CPS1: variants seen among roughly 807,000 people sequenced by gnomAD.
CPS1 encodes the protein carbamoyl-phosphate synthase 1, also known as carbamoyl-phosphate synthase [ammonia], mitochondrial.
A neutral mutation model predicts 174.6 loss-of-function variants in CPS1; 109 were observed. The ratio of observed to expected loss-of-function variants is 0.62; its 90% CI spans 0.53 to 0.73. The LOEUF is 0.73. Ranked by LOEUF, CPS1 falls within the 30% of genes least tolerant of loss-of-function variation. The probability of loss-of-function intolerance (pLI) is 0.00; values close to 1 mark genes in which losing one functional copy is unlikely to be tolerated. For synonymous variants in CPS1, 637 were observed against 632.0 expected (o/e 1.01, Z -0.12); for missense variants, 1,689 against 1,821.9 (o/e 0.93, Z 1.33).
At chr2:210,527,101 CT>C (rs1311857835) in intron 1 of CPS1, among the ~76,000 whole-genome samples, 14 of 151,674 alleles carry the variant, frequency 9.2e-5, no homozygotes, top group African/African-American at 3.1e-4. Context: ...ATTCAATAGC[CT>C]TTTTTTCTCT....
chr2:210,658,241 A>G, intron 30 of CPS1: 1 of 309,346 alleles, frequency 3.2e-6, no homozygotes, highest in Non-Finnish European at 6.3e-6. Context: ...AGGTCATTAC[A>G]TTGATATAGA....
At chr2:210,669,286 GT>G (rs1288041071) in intron 34 of CPS1, among the ~76,000 whole-genome samples, 2 of 152,004 alleles carry the variant, frequency 1.3e-5, no homozygotes, top group Non-Finnish European at 2.9e-5. Context: ...AAACTGTCCT[GT>G]TTATAAATTT....
At chr2:210,566,281 G>A (rs1021772540) in intron 1 of CPS1, among the ~76,000 whole-genome samples, 12 of 152,100 alleles carry the variant, frequency 7.9e-5, no homozygotes, top group Non-Finnish European at 1.6e-4. Flanking sequence ...AAAGGGAGGG[G>A]GGACTGAGAG....
At chr2:210,611,015 G>A (rs766163670) in intron 19 of CPS1, among the ~76,000 whole-genome samples, 6 of 151,750 alleles carry the variant, frequency 4.0e-5, no homozygotes, top group Non-Finnish European at 7.4e-5. Context: ...ACAATAAAAT[G>A]TCTGATTTCT....
intron 21 of CPS1, among the ~76,000 whole-genome samples, chr2:210,625,115 T>C (rs1356391304): frequency 6.6e-6 from 1 of 152,032 alleles, no homozygotes; most frequent in Non-Finnish European, 1.5e-5. Context: ...ATGTATTGGG[T>C]ACCTACTATG....
intron 1 of CPS1, among the ~76,000 whole-genome samples, chr2:210,539,413 A>C (rs1696343305): frequency 6.6e-6 from 1 of 152,208 alleles, no homozygotes; most frequent in South Asian, 2.1e-4. Context: ...TCAAATGTAC[A>C]AAAAAGTACC....
In CPS1 at chr2:210,591,864, C is replaced by T. The variant is rs755804457; in HGVS notation, c.981C>T (p.Asn327=). The T allele has an allele frequency of 6.2e-7, 1 of 1,612,508 alleles. No homozygotes were observed. Among genetic ancestry groups the T allele is most frequent in the African/African-American group, 1.3e-5 (1 of 74,926 alleles). The change falls in exon 10 of 38, where the codon AAC becomes AAT. Residue 327 remains asparagine, a synonymous_variant. Coordinates refer to ENST00000233072, the MANE Select transcript of CPS1 (RefSeq NM_001875.5). The part of the protein sequence containing the change: ...GQNQPVLNIT[N]KQAFITAQNH... Reference sequence around the variant, plus strand: ...ATCAGCCTGTTTTGAATATCACAAACAAACAGGCTTTCATTACTGCTCAGA... The same window carrying T: ...ATCAGCCTGTTTTGAATATCACAAATAAACAGGCTTTCATTACTGCTCAGA...
At chr2:210,551,362 T>A (rs1461298259) in intron 1 of CPS1, among the ~76,000 whole-genome samples, 1 of 152,022 alleles carries the variant, frequency 6.6e-6, no homozygotes, top group African/African-American at 2.4e-5. Context: ...TATACATTCT[T>A]TAGCAAATGT....
chr2:210,670,003 TA>T (rs1168307306), intron 34 of CPS1, among the ~76,000 whole-genome samples: 1 of 152,170 alleles, frequency 6.6e-6, no homozygotes, highest in Non-Finnish European at 1.5e-5. Context: ...AGTATTTGCG[TA>T]ATTTTGGCAT....
At chr2:210,563,473 A>G (rs766444600) in intron 1 of CPS1, among the ~76,000 whole-genome samples, 9 of 152,142 alleles carry the variant, frequency 5.9e-5, no homozygotes, top group Non-Finnish European at 1.0e-4. Flanking sequence ...TTCAGTTTCA[A>G]TGTGTTTCTT....
intron 34 of CPS1, among the ~76,000 whole-genome samples, chr2:210,668,729 C>A (rs1701190336): frequency 6.6e-6 from 1 of 152,050 alleles, no homozygotes; most frequent in Admixed American, 6.6e-5. Flanking sequence ...GTCTATAGTA[C>A]CTACTCTTCT....
chr2:210,678,170 G>C lies in CPS1; in HGVS notation c.*185G>C. 1 of 676,034 alleles carries C rather than the reference G, an allele frequency of 1.5e-6. No homozygotes were observed. The highest frequency in any genetic ancestry group is 2.7e-6 in the Non-Finnish European group (1 of 365,640). 41.9% of individuals were successfully genotyped at this position (676,034 alleles called of 1,614,324 possible). A position where few individuals can be genotyped will look rare whatever the true frequency, so the allele number is the denominator to read the frequency against. On this transcript the variant is annotated 3_prime_UTR_variant, in exon 38 of 38. Coordinates refer to ENST00000233072, the MANE Select transcript of CPS1 (RefSeq NM_001875.5). Reference sequence around the variant, plus strand: ...TCAGTCACTTCTTCAAAACCTTACAGTCCTTCCTAAGTTACTCTTCATGAG... The same window carrying C: ...TCAGTCACTTCTTCAAAACCTTACACTCCTTCCTAAGTTACTCTTCATGAG...
intron 6 of CPS1, 103 bp downstream of exon 6, chr2:210,582,812 C>T: frequency 1.1e-6 from 1 of 922,654 alleles, no homozygotes; most frequent in South Asian, 1.4e-5. Flanking sequence ...TCCAGAAGCA[C>T]CAGTGTTCAG....
intron 6 of CPS1, among the ~76,000 whole-genome samples, chr2:210,582,994 A>G (rs1697978158): frequency 6.6e-6 from 1 of 152,088 alleles, no homozygotes; most frequent in African/African-American, 2.4e-5. Context: ...GATTTTAACA[A>G]TGTAAAATAA....
chr2:210,576,231 T>C, intron 2 of CPS1, 115 bp from the exon 3 acceptor site: 1 of 1,154,322 alleles, frequency 8.7e-7, no homozygotes, highest in Non-Finnish European at 1.3e-6. Context: ...TCTAGAGACA[T>C]TCTTGTTGGA....
chr2:210,592,504 T>A (rs927243168), intron 10 of CPS1, among the ~76,000 whole-genome samples: 2 of 151,960 alleles, frequency 1.3e-5, no homozygotes, highest in Admixed American at 6.6e-5. Context: ...GGCACTGGTG[T>A]AGTGTTTGAG....
chr2:210,484,248 T>C (rs1484252625), intron 1 of CPS1, among the ~76,000 whole-genome samples: 2 of 152,148 alleles, frequency 1.3e-5, no homozygotes, highest in Non-Finnish European at 2.9e-5. Context: ...AGGGTCAACC[T>C]GTGCAAAGAT....
intron 1 of CPS1, among the ~76,000 whole-genome samples, chr2:210,500,921 A>G (rs1212780944): frequency 6.6e-6 from 1 of 152,190 alleles, no homozygotes; most frequent in Non-Finnish European, 1.5e-5. Context: ...CTAACCCTAC[A>G]GCAAATTTCT....
chr2:210,490,336 C>A (rs1186370420), intron 1 of CPS1, among the ~76,000 whole-genome samples: 1 of 143,706 alleles, frequency 7.0e-6, no homozygotes, highest in Non-Finnish European at 1.6e-5. Flanking sequence ...TTTTCCTCTT[C>A]TGCATAGCCA....
Sources: allele counts gnomAD v4.1 joint callset (sites outside exome capture counted in the v4.1 genomes callset), GRCh38; gene constraint gnomAD v4.1.1; transcripts MANE v1.5; gene names NCBI Gene and HGNC (gene_info 2026-07-23, HGNC 2026-07-21).